Variants in DNM3 observed in about 807,000 individuals in gnomAD.
DNM3 encodes dynamin-3.
A neutral mutation model predicts 101.6 loss-of-function variants in DNM3; 47 were observed. The ratio of observed to expected loss-of-function variants is 0.46; its 90% confidence interval spans 0.37 to 0.59. The LOEUF (loss-of-function observed/expected upper bound fraction) is 0.59. Ranked by LOEUF, DNM3 falls within the 20% of genes least tolerant of loss-of-function variation. The pLI, the probability that DNM3 is intolerant of heterozygous loss-of-function variation, is 0.00. For synonymous variants in DNM3, 385 were observed against 387.9 expected (o/e 0.99, Z 0.09); for missense variants, 849 against 1,085.7 (o/e 0.78, Z 3.06).
chr1:172,287,452 G>T lies in DNM3; in HGVS notation c.1770-21276G>T, dbSNP rs374853459. Among the ~76,000 whole-genome samples, 8 of 152,318 alleles carry T rather than the reference G, an allele frequency of 5.3e-5. No individual in the cohort carries two copies. The South Asian group carries it at 8.3e-4, about 16-fold the overall frequency. ...GCCATTGGCAGCCAGAGAAGGTCAG[G>T]ACTAGTGGTGACTCAGCTGACTCTG... On this transcript the variant is annotated intron_variant, in intron 15 of 20. Coordinates refer to ENST00000627582, the MANE Select transcript of DNM3 (RefSeq NM_015569.5).
intron 3 of DNM3, among the ~76,000 whole-genome samples, chr1:171,988,251 A>G (rs1360340887): frequency 6.6e-6 from 1 of 152,150 alleles, no homozygotes; most frequent in African/African-American, 2.4e-5. Context: ...TAGATAACCA[A>G]TCCATAATGT....
chr1:172,056,261 G>A (rs1171509028), intron 10 of DNM3, among the ~76,000 whole-genome samples: 1 of 152,190 alleles, frequency 6.6e-6, no homozygotes, highest in Non-Finnish European at 1.5e-5. Flanking sequence ...CAGCGAGGCT[G>A]GGGGAGGGGC....
rs538773948 is a variant in DNM3 at position 172,071,253 on chromosome 1, G to T, written c.1422+2348G>T. 1.4e-4 allele frequency among the ~76,000 whole-genome samples: 21 copies of T among 151,720 alleles called. No individual in the cohort carries two copies. The South Asian group carries it at 4.4e-3, about 32-fold the overall frequency. ...TTCAATCTGCAACTCAGTTACAGTG[G>T]TTAATTTATTCCTCAAGTAGGACAT... On this transcript the variant is annotated intron_variant, in intron 11 of 20. Coordinates refer to ENST00000627582, the MANE Select transcript of DNM3 (RefSeq NM_015569.5).
At chr1:172,225,077 C>T (rs1246957668) in intron 14 of DNM3, among the ~76,000 whole-genome samples, 1 of 151,610 alleles carries the variant, frequency 6.6e-6, no homozygotes, top group Non-Finnish European at 1.5e-5. Flanking sequence ...CAGTATTCTC[C>T]TCCAATTCCT....
chr1:171,922,457 A>G (rs1231657432), intron 2 of DNM3, among the ~76,000 whole-genome samples: 3 of 151,766 alleles, frequency 2.0e-5, no homozygotes, highest in Non-Finnish European at 2.9e-5. Context: ...TTTCCTATCA[A>G]TTTCTTTGAA....
chr1:171,993,278 A>T (rs1454292337), intron 4 of DNM3, among the ~76,000 whole-genome samples: 1 of 151,924 alleles, frequency 6.6e-6, no homozygotes, highest in Non-Finnish European at 1.5e-5. Flanking sequence ...CTTGTAGGCT[A>T]TGTCTGTCAG....
intron 10 of DNM3, among the ~76,000 whole-genome samples, chr1:172,059,868 A>G (rs1423692319): frequency 1.0e-5 from 1 of 98,120 alleles, no homozygotes; most frequent in Non-Finnish European, 2.0e-5. Context: ...GGAGAAGGAA[A>G]TAAAGGGTAT....
At chr1:171,955,633 G>T (rs573878664) in intron 2 of DNM3, among the ~76,000 whole-genome samples, 1 of 152,312 alleles carries the variant, frequency 6.6e-6, no homozygotes, top group East Asian at 1.9e-4. Flanking sequence ...GAATATGGAG[G>T]AGAGATACCT....
chr1:171,845,829 A>G (rs1420772290), intron 1 of DNM3, among the ~76,000 whole-genome samples: 1 of 152,206 alleles, frequency 6.6e-6, no homozygotes, highest in African/African-American at 2.4e-5. Flanking sequence ...TAATACGCAG[A>G]TGTTTTAAAA....
intron 17 of DNM3, among the ~76,000 whole-genome samples, chr1:172,350,365 A>T (rs2067149049): frequency 6.6e-6 from 1 of 151,162 alleles, no homozygotes; most frequent in East Asian, 1.9e-4. Context: ...TTGTATGTGG[A>T]ATATTCTTAC....
rs114762319 is a variant in DNM3, at chr1:172,270,357, A to G, written c.1769+16675A>G. Among the ~76,000 whole-genome samples the G allele has an allele frequency of 4.8e-3, 725 of 152,284 alleles. 2 individuals are homozygous for G. The highest frequency in any genetic ancestry group is 0.016 in the African/African-American group (685 of 41,568). ...TCAATCATGCACTCAAGATATTAAT[A>G]ATAAACCTGTCTTTTAAAAATAACA... On this transcript the variant is annotated intron_variant, in intron 15 of 20. Coordinates refer to ENST00000627582, the MANE Select transcript of DNM3 (RefSeq NM_015569.5).
intron 15 of DNM3, among the ~76,000 whole-genome samples, chr1:172,256,844 T>C (rs558094873): frequency 6.6e-6 from 1 of 151,906 alleles, no homozygotes. Flanking sequence ...AGCTGCTTAC[T>C]ACAATTTTTG....
At chr1:171,951,486 T>G (rs1404493145) in intron 2 of DNM3, among the ~76,000 whole-genome samples, 1 of 152,216 alleles carries the variant, frequency 6.6e-6, no homozygotes, top group Non-Finnish European at 1.5e-5. Flanking sequence ...AAAACCATTC[T>G]CATTCTCTAA....
chr1:171,893,333 T>C (rs2037463732), intron 1 of DNM3, among the ~76,000 whole-genome samples: 1 of 152,164 alleles, frequency 6.6e-6, no homozygotes, highest in Admixed American at 6.5e-5. Context: ...GTTTGAGCTA[T>C]TTAATTTTAT....
chr1:171,950,193 G>T (rs561022857), intron 2 of DNM3, among the ~76,000 whole-genome samples: 1 of 152,036 alleles, frequency 6.6e-6, no homozygotes, highest in Non-Finnish European at 1.5e-5. Flanking sequence ...ATGATGCAGC[G>T]TGAAAGAAGC....
intron 14 of DNM3, among the ~76,000 whole-genome samples, chr1:172,179,415 T>G (rs1035262687): frequency 6.6e-6 from 1 of 151,922 alleles, no homozygotes; most frequent in Non-Finnish European, 1.5e-5. Flanking sequence ...AGTTAAAGGA[T>G]TATATAAGTA....
chr1:172,146,589 A>T (rs914542910), intron 14 of DNM3, among the ~76,000 whole-genome samples: 1 of 152,020 alleles, frequency 6.6e-6, no homozygotes, highest in African/African-American at 2.4e-5. Flanking sequence ...TATTACTGGA[A>T]ATGATCTAAG....
chr1:171,999,053 G>A (rs2046199735), intron 4 of DNM3, among the ~76,000 whole-genome samples: 1 of 152,056 alleles, frequency 6.6e-6, no homozygotes, highest in Admixed American at 6.6e-5. Flanking sequence ...GCCAGTGGAG[G>A]GTTTTAAGAG....
intron 14 of DNM3, among the ~76,000 whole-genome samples, chr1:172,167,271 A>C (rs2058783043): frequency 6.6e-6 from 1 of 152,114 alleles, no homozygotes; most frequent in Non-Finnish European, 1.5e-5. Context: ...ATGGCTGCAT[A>C]GTATTCCATG....
Sources: allele counts gnomAD v4.1 joint callset (sites outside exome capture counted in the v4.1 genomes callset), GRCh38; gene constraint gnomAD v4.1.1; transcripts MANE v1.5; gene names NCBI Gene and HGNC (gene_info 2026-07-23, HGNC 2026-07-21).